Variants in MNAT1 observed in about 807,000 individuals in gnomAD.
MNAT1 encodes MNAT1 component of CDK activating kinase.
MNAT1 carries 43 observed loss-of-function variants against 42.0 expected under a neutral mutation model. The ratio of observed to expected loss-of-function variants is 1.02; its 90% CI spans 0.80 to 1.32. MNAT1 has a LOEUF of 1.32. Ranked by LOEUF, MNAT1 falls within the 40% of genes most tolerant of loss-of-function variation. The pLI is 0.00. For synonymous variants in MNAT1, 118 were observed against 120.0 expected (o/e 0.98, Z 0.11); for missense variants, 306 against 350.4 (o/e 0.87, Z 1.01).
At chr14:60,777,369 A>C (rs1396601320) in intron 1 of MNAT1, among the ~76,000 whole-genome samples, 1 of 152,098 alleles carries the variant, frequency 6.6e-6, no homozygotes, top group Non-Finnish European at 1.5e-5. Context: ...AGGATCGCTT[A>C]AGGCCAGGAA....
chr14:60,945,933 C>T (rs1034975037), intron 7 of MNAT1, among the ~76,000 whole-genome samples: 12 of 152,114 alleles, frequency 7.9e-5, no homozygotes, highest in East Asian at 7.7e-4. Context: ...ACAGAGAAAA[C>T]GTATGTATGA....
chr14:60,928,703 A>G (rs2035815766), intron 7 of MNAT1, among the ~76,000 whole-genome samples: 1 of 152,118 alleles, frequency 6.6e-6, no homozygotes, highest in Non-Finnish European at 1.5e-5. Context: ...GTTTTATTAT[A>G]AAGTTACAAA....
At chr14:60,963,043 G>A (rs572229542) in intron 7 of MNAT1, among the ~76,000 whole-genome samples, 5 of 152,146 alleles carry the variant, frequency 3.3e-5, no homozygotes, top group East Asian at 1.9e-4. Context: ...GTGCAGTGGC[G>A]TGATCTTGGC....
At chr14:60,794,660 A>AATAT (rs67332094) in intron 1 of MNAT1, among the ~76,000 whole-genome samples, 6,967 of 28,546 alleles carry the variant, frequency 0.24, 279 homozygotes, top group Non-Finnish European at 0.27. Context: ...AAAAAAAAAA[A>AATAT]ATATATATAT....
Position 60,968,634 on chromosome 14 carries a change from C to T in MNAT1, c.*285C>T. On this transcript the variant is annotated 3_prime_UTR_variant, in exon 8 of 8. Coordinates refer to ENST00000261245, the MANE Select transcript of MNAT1 (RefSeq NM_002431.4). ...CACCTATATGTGTTTGAGGTTGTGA[C>T]AGACTTATAAAATCTTTTTAAAAAA... The T allele has an allele frequency of 1.3e-6, 1 of 744,244 alleles. No homozygotes were observed. Among genetic ancestry groups the T allele is most frequent in the Non-Finnish European group, 1.9e-6 (1 of 514,726 alleles). The allele number at this position is 744,244 out of a possible 1,614,324, so 46.1% of individuals were successfully genotyped here. A position where few individuals can be genotyped will look rare whatever the true frequency, so the allele number is the denominator to read the frequency against.
At chr14:60,791,687 C>G (rs1008684567) in intron 1 of MNAT1, among the ~76,000 whole-genome samples, 2 of 152,112 alleles carry the variant, frequency 1.3e-5, no homozygotes, top group East Asian at 3.8e-4. Context: ...GCTTGAAATC[C>G]ATGTATGCAA....
chr14:60,907,685 G>C (rs2035233587), intron 7 of MNAT1, among the ~76,000 whole-genome samples: 1 of 150,082 alleles, frequency 6.7e-6, no homozygotes, highest in Non-Finnish European at 1.5e-5. Context: ...ACGGGGCTGA[G>C]GCAGGAGAAT....
At chr14:60,797,372 A>AT (rs2032052486) in intron 2 of MNAT1, among the ~76,000 whole-genome samples, 1 of 152,152 alleles carries the variant, frequency 6.6e-6, no homozygotes, top group South Asian at 2.1e-4. Context: ...AGACTATGTC[A>AT]TGAAAAATGG....
chr14:60,927,596 A>G (rs530559728), intron 7 of MNAT1, among the ~76,000 whole-genome samples: 3 of 152,144 alleles, frequency 2.0e-5, no homozygotes, highest in Non-Finnish European at 2.9e-5. Flanking sequence ...TAATAATTTT[A>G]TGTTTAGATT....
intron 6 of MNAT1, among the ~76,000 whole-genome samples, chr14:60,837,154 G>A (rs1404800455): frequency 6.6e-6 from 1 of 152,212 alleles, no homozygotes; most frequent in Non-Finnish European, 1.5e-5. Flanking sequence ...TTAGCTTGCT[G>A]GGCTCCGTGG....
rs532008526 is a variant in MNAT1, at chr14:60,752,849, C to T, written c.89+17898C>T. Among the ~76,000 whole-genome samples, 6 of 152,364 alleles carry T rather than the reference C, an allele frequency of 3.9e-5. No individual in the cohort carries two copies. The East Asian group carries it at 1.2e-3, about 29-fold the overall frequency. On this transcript the variant is annotated intron_variant, in intron 1 of 7. Transcript: ENST00000261245. ...GTGTGATCTTGGCTCACTGCAACCT[C>T]TGCCTCCTGGGTTGGAGCAGTTCTC...
At chr14:60,912,904 A>G (rs563821417) in intron 7 of MNAT1, among the ~76,000 whole-genome samples, 1 of 152,300 alleles carries the variant, frequency 6.6e-6, no homozygotes, top group East Asian at 1.9e-4. Context: ...TCTCCTGGAT[A>G]ATATCCTGCA....
chr14:60,826,307 ATTTTT>A (rs60838198), intron 6 of MNAT1, among the ~76,000 whole-genome samples: 7 of 119,782 alleles, frequency 5.8e-5, no homozygotes, highest in African/African-American at 1.2e-4. Context: ...AATAGGAGAA[ATTTTT>A]TTTTTTTTTT....
At chr14:60,921,349 A>G (rs1051116942) in intron 7 of MNAT1, among the ~76,000 whole-genome samples, 1 of 152,186 alleles carries the variant, frequency 6.6e-6, no homozygotes, top group Non-Finnish European at 1.5e-5. Context: ...TAAAAGTAAT[A>G]TATGTTCATT....
intron 1 of MNAT1, among the ~76,000 whole-genome samples, chr14:60,771,117 C>T (rs1269237310): frequency 1.3e-5 from 2 of 151,942 alleles, no homozygotes; most frequent in African/African-American, 4.8e-5. Flanking sequence ...TAGGAAATGC[C>T]GTTTTGTTCT....
At chr14:60,780,121 A>G in intron 1 of MNAT1, 1 of 1,479,770 alleles carries the variant, frequency 6.8e-7, no homozygotes, top group East Asian at 2.3e-5. Flanking sequence ...GAGTGCAGAA[A>G]TACGGACTCA....
At chr14:60,902,901 T>C (rs1208507868) in intron 7 of MNAT1, among the ~76,000 whole-genome samples, 1 of 152,070 alleles carries the variant, frequency 6.6e-6, no homozygotes, top group African/African-American at 2.4e-5. Context: ...CTATACCTAG[T>C]TCTATTAGGT....
At chr14:60,783,224 TG>T (rs1430945114) in intron 1 of MNAT1, among the ~76,000 whole-genome samples, 1 of 152,172 alleles carries the variant, frequency 6.6e-6, no homozygotes, top group Non-Finnish European at 1.5e-5. Context: ...TCTGAAGCTG[TG>T]GGGTTTGGCT....
chr14:60,768,305 A>G (rs957918773), intron 1 of MNAT1, among the ~76,000 whole-genome samples: 1 of 152,228 alleles, frequency 6.6e-6, no homozygotes, highest in Non-Finnish European at 1.5e-5. Context: ...GTGTCTGCTC[A>G]TAAATAGGTG....
Sources: allele counts gnomAD v4.1 joint callset (sites outside exome capture counted in the v4.1 genomes callset), GRCh38; gene constraint gnomAD v4.1.1; transcripts MANE v1.5; gene names NCBI Gene and HGNC (gene_info 2026-07-23, HGNC 2026-07-21).